TSC1: variants seen among roughly 807,000 people sequenced by gnomAD.
TSC1 encodes hamartin.
Under a neutral mutation model 124.3 loss-of-function variants are expected in TSC1, and 20 were observed. The observed-to-expected ratio is 0.16, with a 90% CI of 0.11 to 0.23. The LOEUF is 0.23. TSC1 is among the 10% of genes least tolerant of loss of function. The probability of loss-of-function intolerance (pLI) is 1.00; values close to 1 mark genes in which losing one functional copy is unlikely to be tolerated. For synonymous variants in TSC1, 493 were observed against 539.1 expected (o/e 0.91, Z 1.19); for missense variants, 1,124 against 1,448.5 (o/e 0.78, Z 3.64).
intron 16 of TSC1, 53 bp downstream of exon 16, chr9:132,904,358 C>A (rs1220410018): frequency 6.2e-7 from 1 of 1,604,790 alleles, no homozygotes; most frequent in Non-Finnish European, 8.5e-7. Flanking sequence ...GAAAGGGCAA[C>A]AAGCAAGCAG....
Position 132,921,261 on chromosome 9 carries a change from G to C in TSC1, c.737+102C>G. On this transcript the variant is annotated intron_variant, in intron 8 of 22. Transcript: ENST00000298552. This position sits in a 1 kb window ranked among gnomAD's most constrained non-coding sequence, Gnocchi z 4.3. ...TCCAAGTGGACTGATTCTGTAAGTA[G>C]AACATCTATATTCCCAAATATACCT... 8.0e-7 allele frequency: 1 copy of C among 1,257,286 alleles called. No individual in the cohort carries two copies. The highest frequency in any genetic ancestry group is 1.3e-5 in the South Asian group (1 of 79,466). 77.9% of individuals were successfully genotyped at this position (1,257,286 alleles called of 1,614,324 possible). A position where few individuals can be genotyped will look rare whatever the true frequency, so the allele number is the denominator to read the frequency against.
rs397514834 is a variant in TSC1, at chr9:132,921,871, C to T, written c.611G>A (p.Arg204His). ...MYPCNFVSFLRSHYSMKENLE... is the reference protein window; with the variant it reads ...MYPCNFVSFLHSHYSMKENLE... Reference sequence around the variant, plus strand: ...GTTTTCTTTCATACTGTAATGAGAACGCAAAAAGGAGACGAAGTTGCAAGG... The same window carrying T: ...GTTTTCTTTCATACTGTAATGAGAATGCAAAAAGGAGACGAAGTTGCAAGG... Residue 204 changes from arginine (R) to histidine (H), a missense_variant, in exon 7 of 23, where the codon CGT becomes CAT. This residue lies in a region of TSC1 where 463 missense variants were observed against 606.8 expected (regional missense o/e 0.76). Transcript: ENST00000298552. This position sits in a 1 kb window ranked among gnomAD's most constrained non-coding sequence, Gnocchi z 4.3. 1.9e-6 allele frequency: 3 copies of T among 1,614,082 alleles called. No individual in the cohort carries two copies. Among genetic ancestry groups the T allele is most frequent in the South Asian group, 2.2e-5 (2 of 91,078 alleles).
At chr9:132,925,991 G>T in intron 4 of TSC1, 1 of 509,426 alleles carries the variant, frequency 2.0e-6, no homozygotes, top group South Asian at 2.1e-5. Context: ...ATGCAGAAAG[G>T]GGGAGACTTG....
At position 132,896,866 on chromosome 9, in the gene TSC1, A is replaced by G. The variant is rs778147394; in HGVS notation, c.2976-112T>C. The G allele has an allele frequency of 6.6e-7, 1 of 1,523,824 alleles. No individual in the cohort carries two copies. Among genetic ancestry groups the G allele is most frequent in the Non-Finnish European group, 9.1e-7 (1 of 1,102,154 alleles). 94.4% of individuals were successfully genotyped at this position (1,523,824 alleles called of 1,614,324 possible). A position where few individuals can be genotyped will look rare whatever the true frequency, so the allele number is the denominator to read the frequency against. The stretch of plus-strand genomic sequence containing the variant: ...CACTGACACTGAACTCCGCTAGCCC[A>G]CTCTCTGTTTTATAATACTGGACTC... On this transcript the variant is annotated intron_variant, in intron 22 of 22. Transcript: ENST00000298552. The surrounding 1 kb of genome is among the most constrained non-coding windows in gnomAD (Gnocchi z 4.5).
At chr9:132,934,833 A>T (rs907860071) in intron 2 of TSC1, among the ~76,000 whole-genome samples, 200 bp downstream of exon 2, 1 of 152,268 alleles carries the variant, frequency 6.6e-6, no homozygotes, top group Non-Finnish European at 1.5e-5. Flanking sequence ...AGTAACGCAT[A>T]TAATGCGCTT....
intron 5 of TSC1, among the ~76,000 whole-genome samples, chr9:132,925,350 C>G (rs527687720): frequency 6.6e-6 from 1 of 152,274 alleles, no homozygotes. Flanking sequence ...TAACATTGAA[C>G]CCATCTGATC....
At chr9:132,939,708 C>T (rs1847638887) in intron 1 of TSC1, among the ~76,000 whole-genome samples, 1 of 152,206 alleles carries the variant, frequency 6.6e-6, no homozygotes. Flanking sequence ...AAAAGAGATA[C>T]AAGCAAACTG....
At position 132,896,688 on chromosome 9, in the gene TSC1, G is replaced by C. The variant is rs1394343524; in HGVS notation, c.3042C>G (p.His1014Gln). 6.2e-7 allele frequency: 1 copy of C among 1,613,950 alleles called. No individual in the cohort carries two copies. Residue 1014 changes from histidine to glutamine, a missense_variant, in exon 23 of 23, where the codon CAC becomes CAG. This residue lies in a region of TSC1 where 325 missense variants were observed against 383.4 expected (regional missense o/e 0.85). Coordinates refer to ENST00000298552, the MANE Select transcript of TSC1 (RefSeq NM_000368.5). The surrounding 1 kb of genome is among the most constrained non-coding windows in gnomAD (Gnocchi z 4.5). ...GCCTGGGGGTCTTGGTCTCACCGTT[G>C]TGGCCAGATGCCTCTTCATTGTGCC... is the stretch of plus-strand genomic sequence containing the variant. Reference protein sequence around the residue: ...MVGHNEEASGHNGETKTPRPS... With the variant: ...MVGHNEEASGQNGETKTPRPS...
rs778866288 is a variant in TSC1, at chr9:132,907,289, C to G, written c.1333+12G>C. ...GAGGCAAGCAAGGCCTGTAGTAACG[C>G]AGAAATTTTACCTGATCCTCTGTCA... On this transcript the variant is annotated intron_variant, in intron 13 of 22. Coordinates refer to ENST00000298552, the MANE Select transcript of TSC1 (RefSeq NM_000368.5). 2 of 1,612,968 alleles carry G rather than the reference C, an allele frequency of 1.2e-6. No homozygotes were observed. Among genetic ancestry groups the G allele is most frequent in the Non-Finnish European group, 1.7e-6 (2 of 1,178,946 alleles).
chr9:132,913,825 C>CAA (rs374309550), intron 8 of TSC1, among the ~76,000 whole-genome samples: 5 of 33,592 alleles, frequency 1.5e-4, no homozygotes, highest in African/African-American at 3.2e-4. Context: ...GACTCCGTCT[C>CAA]AAAAAAAAAA....
intron 10 of TSC1, 75 bp downstream of exon 10, chr9:132,911,378 A>T (rs1439915478): frequency 8.5e-7 from 1 of 1,182,980 alleles, no homozygotes; most frequent in Non-Finnish European, 1.3e-6. Flanking sequence ...TCCCAACCAC[A>T]TACTAAATCT....
At chr9:132,944,641 C>A (rs571288003), upstream of TSC1, 9 of 398,862 alleles carry the variant, frequency 2.3e-5, no homozygotes, top group Admixed American at 1.3e-4. Flanking sequence ...CGTGAAAGGG[C>A]CAAGGCCGAC....
chr9:132,923,497 A>G lies in TSC1; in HGVS notation c.364-5T>C, dbSNP rs111865190. On this transcript the variant is annotated splice_region_variant and splice_polypyrimidine_tract_variant and intron_variant, in intron 5 of 22. Transcript: ENST00000298552. This position sits in a 1 kb window ranked among gnomAD's most constrained non-coding sequence, Gnocchi z 4.2. ...GACAACGACGTCAGTGTCCATCTGC[A>G]GGAGAAAAGGTCAAACAGGAAACGT... The G allele has an allele frequency of 6.8e-6, 11 of 1,614,112 alleles. No individual in the cohort carries two copies. The highest frequency in any genetic ancestry group is 6.7e-5 in the African/African-American group (5 of 75,064).
At chr9:132,931,928 A>G (rs1847225792) in intron 2 of TSC1, among the ~76,000 whole-genome samples, 1 of 152,228 alleles carries the variant, frequency 6.6e-6, no homozygotes, top group Admixed American at 6.5e-5. Flanking sequence ...CACACTTTAC[A>G]GCCTATAGAA....
chr9:132,912,463 A>AAATGC lies in TSC1; in HGVS notation c.738-11_738-7dup. The AAATGC allele has an allele frequency of 6.2e-7, 1 of 1,614,148 alleles. No homozygotes were observed. On this transcript the variant is annotated splice_region_variant and splice_polypyrimidine_tract_variant and intron_variant, in intron 8 of 22. Coordinates refer to ENST00000298552, the MANE Select transcript of TSC1 (RefSeq NM_000368.5). ...GAGTTTCTAATCTCTTCCACCTGTA[A>AAATGC]AATGCAATGAAAGTCAAGAAATGCA... is the stretch of plus-strand genomic sequence containing the variant.
At chr9:132,940,737 C>T (rs1847691365) in intron 1 of TSC1, 3 of 152,130 alleles carry the variant, frequency 2.0e-5, no homozygotes, top group Admixed American at 2.0e-4. Context: ...CACATGAGTA[C>T]TCAAAAAATA....
At chr9:132,937,849 G>A (rs1847541315) in intron 1 of TSC1, among the ~76,000 whole-genome samples, 1 of 152,132 alleles carries the variant, frequency 6.6e-6, no homozygotes, top group African/African-American at 2.4e-5. Flanking sequence ...CAAGTAGCTG[G>A]GAATACAGGC....
In TSC1 at chr9:132,892,568, AG is replaced by A. The variant is rs1230355773; in HGVS notation, c.*3666del. ...AGGTGGGCGGCACCCCATCTCACCA[AG>A]GTCCTGGCCGGGTCTTCGCTCTGCC... On this transcript the variant is annotated 3_prime_UTR_variant, in exon 23 of 23. Transcript: ENST00000298552. 1 of 233,234 alleles carries A rather than the reference AG, an allele frequency of 4.3e-6. No individual in the cohort carries two copies. The highest frequency in any genetic ancestry group is 8.5e-6 in the Non-Finnish European group (1 of 118,122). 14.4% of individuals were successfully genotyped at this position (233,234 alleles called of 1,614,324 possible).
chr9:132,913,611 G>T lies in TSC1; in HGVS notation c.738-1154C>A, dbSNP rs986679615. ...GGAGGCTGAGGCGGACGGATCACAA[G>T]GTCGAGAGATTGAGACCATCCTGGC... is the stretch of plus-strand genomic sequence containing the variant. On this transcript the variant is annotated intron_variant, in intron 8 of 22. Coordinates refer to ENST00000298552, the MANE Select transcript of TSC1 (RefSeq NM_000368.5). Among the ~76,000 whole-genome samples, 3 of 151,992 alleles carry T rather than the reference G, an allele frequency of 2.0e-5. No individual in the cohort carries two copies. The East Asian group carries it at 5.9e-4, about 30-fold the overall frequency.
Sources: gnomAD v4.1 joint callset for allele counts (sites outside exome capture counted in the v4.1 genomes callset) on GRCh38, gnomAD v4.1.1 for gene constraint, gnomAD v4.1.1 regional missense constraint, Gnocchi (gnomAD v3.1) non-coding constraint, MANE v1.5 for transcripts, NCBI Gene and HGNC (gene_info 2026-07-23, HGNC 2026-07-21) for gene names.